SPRING1: variants seen among roughly 807,000 people sequenced by gnomAD.
SPRING1 encodes SREBF pathway regulator in golgi 1.
Under a neutral mutation model 24.7 loss-of-function variants are expected in SPRING1, and 14 were observed. The observed-to-expected ratio is 0.57, with a 90% CI of 0.37 to 0.88. The LOEUF is 0.88. Ranked by LOEUF, SPRING1 falls within the 40% of genes least tolerant of loss-of-function variation. SPRING1 has a pLI of 0.00. For missense variants in SPRING1, 255 were observed against 268.4 expected (o/e 0.95, Z 0.35); for synonymous variants, 93 against 106.1 (o/e 0.88, Z 0.76).
In SPRING1 at chr12:116,712,980, A is replaced by C. The variant is rs879921343; in HGVS notation, c.*4830T>G. ...GGCGGGGAAAAATAATGAAGTCAGC[A>C]CTCAGCTACCAGGAGCTCCTCTGTT... On this transcript the variant is annotated 3_prime_UTR_variant, in exon 5 of 5. Coordinates refer to ENST00000261318, the MANE Select transcript of SPRING1 (RefSeq NM_024738.4). The C allele has an allele frequency of 1.3e-5, 2 of 152,458 alleles. No homozygotes were observed. Among genetic ancestry groups the C allele is most frequent in the Non-Finnish European group, 2.9e-5 (2 of 68,266 alleles). The allele number at this position is 152,458 out of a possible 1,614,324, so 9.4% of individuals were successfully genotyped here. A position where few individuals can be genotyped will look rare whatever the true frequency, so the allele number is the denominator to read the frequency against.
intron 1 of SPRING1, 77 bp from the exon 2 acceptor site, chr12:116,723,300 T>C: frequency 6.5e-7 from 1 of 1,535,886 alleles, no homozygotes; most frequent in Non-Finnish European, 8.9e-7. Flanking sequence ...TCACAGAAAC[T>C]ACAGTAAGAG....
At chr12:116,737,768 G>T in intron 1 of SPRING1, 22 bp downstream of exon 1, 5 of 1,518,548 alleles carry the variant, frequency 3.3e-6, no homozygotes, top group Non-Finnish European at 4.5e-6. Flanking sequence ...GGAAGGGGAG[G>T]AGGGGAAGGG....
Position 116,711,904 on chromosome 12 carries a change from C to CA in SPRING1, c.*5905dup. On this transcript the variant is annotated 3_prime_UTR_variant, in exon 5 of 5. Transcript: ENST00000261318. ...TGCTGGGATTACAGGTGTGAGCCAC[C>CA]ACACCCGGCTGCCAACACCACTTTC... 6.6e-6 allele frequency: 1 copy of CA among 152,170 alleles called. No individual in the cohort carries two copies. Among genetic ancestry groups the CA allele is most frequent in the East Asian group, 1.9e-4 (1 of 5,196 alleles). The allele number at this position is 152,170 out of a possible 1,614,324, so 9.4% of individuals were successfully genotyped here.
At chr12:116,726,281 T>C (rs1441865110) in intron 1 of SPRING1, among the ~76,000 whole-genome samples, 2 of 152,222 alleles carry the variant, frequency 1.3e-5, no homozygotes, top group Non-Finnish European at 1.5e-5. Flanking sequence ...ACAATTCTCT[T>C]GAATAACTTG....
rs1344281105 is a variant in SPRING1, at chr12:116,715,145, G to A, written c.*2665C>T. On this transcript the variant is annotated 3_prime_UTR_variant, in exon 5 of 5. Coordinates refer to ENST00000261318, the MANE Select transcript of SPRING1 (RefSeq NM_024738.4). ...AGATGGGGTTTCACCATATTGGTCA[G>A]GCTGGTCTGAACTCCTGCCTTCAGG... 6.6e-6 allele frequency: 1 copy of A among 152,052 alleles called. No homozygotes were observed. Among genetic ancestry groups the A allele is most frequent in the Non-Finnish European group, 1.5e-5 (1 of 68,042 alleles). The allele number at this position is 152,052 out of a possible 1,614,324, so 9.4% of individuals were successfully genotyped here.
chr12:116,713,530 T>C lies in SPRING1; in HGVS notation c.*4280A>G, dbSNP rs1869962725. 6.6e-6 allele frequency: 1 copy of C among 152,102 alleles called. No individual in the cohort carries two copies. The highest frequency in any genetic ancestry group is 1.9e-4 in the East Asian group (1 of 5,196). The allele number at this position is 152,102 out of a possible 1,614,324, so 9.4% of individuals were successfully genotyped here. On this transcript the variant is annotated 3_prime_UTR_variant, in exon 5 of 5. Transcript: ENST00000261318. Reference sequence around the variant, plus strand: ...AATAATATCACAGGGTTACCAGGGGTATGACAAAAATGGACACTTCCATAC... The same window carrying C: ...AATAATATCACAGGGTTACCAGGGGCATGACAAAAATGGACACTTCCATAC...
At chr12:116,731,970 A>T (rs1356254328) in intron 1 of SPRING1, among the ~76,000 whole-genome samples, 1 of 152,148 alleles carries the variant, frequency 6.6e-6, no homozygotes, top group East Asian at 1.9e-4. Flanking sequence ...GTATAAGCCA[A>T]TGCAGGCCAC....
intron 1 of SPRING1, among the ~76,000 whole-genome samples, chr12:116,725,211 T>G (rs1246382333): frequency 6.6e-6 from 1 of 152,176 alleles, no homozygotes; most frequent in Non-Finnish European, 1.5e-5. Flanking sequence ...GTTCCTAAGT[T>G]TTAAATTGAG....
rs912617094 is a variant in SPRING1, at chr12:116,731,778, T to TA, written c.111+6011dup. Among the ~76,000 whole-genome samples the TA allele has an allele frequency of 1.1e-4, 17 of 150,970 alleles. No homozygotes were observed. In the South Asian group the frequency reaches 1.5e-3, roughly 13 times the overall value. On this transcript the variant is annotated intron_variant, in intron 1 of 4. Coordinates refer to ENST00000261318, the MANE Select transcript of SPRING1 (RefSeq NM_024738.4). ...AACAAACAAATAAACAAAACCAAGT[T>TA]AAAAAAAAACCCTAAGCCTCAGTGG... is the stretch of plus-strand genomic sequence containing the variant.
rs370677607 is a variant in SPRING1, at chr12:116,714,057, T to C, written c.*3753A>G. ...GCCCCTGCCATTGCTCCCTGCTGAG[T>C]TGCAGACATTGACTTCTTGCCAAGC... On this transcript the variant is annotated 3_prime_UTR_variant, in exon 5 of 5. Transcript: ENST00000261318. The C allele has an allele frequency of 2.6e-4, 39 of 151,716 alleles. No homozygotes were observed. The highest frequency in any genetic ancestry group is 8.5e-4 in the African/African-American group (35 of 41,340). The allele number at this position is 151,716 out of a possible 1,614,324, so 9.4% of individuals were successfully genotyped here.
rs574771241 is a variant in SPRING1 at position 116,717,451 on chromosome 12, GA to G, written c.*358del. 4 of 187,292 alleles carry G rather than the reference GA, an allele frequency of 2.1e-5. No individual in the cohort carries two copies. In the South Asian group the frequency reaches 7.3e-4, roughly 34 times the overall value. 11.6% of individuals were successfully genotyped at this position (187,292 alleles called of 1,614,324 possible). On this transcript the variant is annotated 3_prime_UTR_variant, in exon 5 of 5. Coordinates refer to ENST00000261318, the MANE Select transcript of SPRING1 (RefSeq NM_024738.4). This position sits in a 1 kb window ranked among gnomAD's most constrained non-coding sequence, Gnocchi z 4.2. ...AATAATTTTACAGTGAAAGAGCCTG[GA>G]TCAAAACTGGAAGTGACACCGGCCC...
Position 116,710,332 on chromosome 12 carries a change from G to A in SPRING1, c.*7478C>T, listed in dbSNP as rs909898084. ...TAATTTGGCACAATTTAATTTCTTT[G>A]TAAGTTCATACATTTTAAGGTTTCT... On this transcript the variant is annotated 3_prime_UTR_variant, in exon 5 of 5. Coordinates refer to ENST00000261318, the MANE Select transcript of SPRING1 (RefSeq NM_024738.4). 6.6e-6 allele frequency: 1 copy of A among 152,182 alleles called. No homozygotes were observed. Among genetic ancestry groups the A allele is most frequent in the African/African-American group, 2.4e-5 (1 of 41,442 alleles). 9.4% of individuals were successfully genotyped at this position (152,182 alleles called of 1,614,324 possible). A position where few individuals can be genotyped will look rare whatever the true frequency, so the allele number is the denominator to read the frequency against.
In SPRING1 at chr12:116,715,968, T is replaced by C. The variant is rs1386578166; in HGVS notation, c.*1842A>G. On this transcript the variant is annotated 3_prime_UTR_variant, in exon 5 of 5. Transcript: ENST00000261318. ...CTGTTCACATTAAATCTATGTTATG[T>C]TGCTCAAGAGTTAAAATAAGCTCAA... The C allele has an allele frequency of 1.3e-5, 2 of 152,222 alleles. No homozygotes were observed. The highest frequency in any genetic ancestry group is 2.9e-5 in the Non-Finnish European group (2 of 68,050). 9.4% of individuals were successfully genotyped at this position (152,222 alleles called of 1,614,324 possible).
At chr12:116,730,192 G>A (rs765750022) in intron 1 of SPRING1, among the ~76,000 whole-genome samples, 32 of 150,616 alleles carry the variant, frequency 2.1e-4, no homozygotes, top group Non-Finnish European at 4.3e-4. Flanking sequence ...GAGCCACCAC[G>A]CCCAGCCTTA....
chr12:116,737,643 A>G, intron 1 of SPRING1, 147 bp downstream of exon 1: 1 of 843,816 alleles, frequency 1.2e-6, no homozygotes, highest in Non-Finnish European at 1.6e-6. Context: ...AAGGAAGGGA[A>G]GGGGAGAAAG....
Position 116,720,536 on chromosome 12 carries a change from CAG to C in SPRING1, c.269-91_269-90del. On this transcript the variant is annotated intron_variant, in intron 2 of 4. Coordinates refer to ENST00000261318, the MANE Select transcript of SPRING1 (RefSeq NM_024738.4). The surrounding 1 kb of genome is among the most constrained non-coding windows in gnomAD (Gnocchi z 4.0). ...ACCATGAAGCAGCAGTGAAAGTACA[CAG>C]ACAGAAGCTGGAGTCTGGGGCATCA... The C allele has an allele frequency of 6.6e-7, 1 of 1,515,182 alleles. No homozygotes were observed. Among genetic ancestry groups the C allele is most frequent in the Non-Finnish European group, 9.0e-7 (1 of 1,114,150 alleles). The allele number at this position is 1,515,182 out of a possible 1,614,324, so 93.9% of individuals were successfully genotyped here.
At chr12:116,723,646 C>A (rs759411496) in intron 1 of SPRING1, among the ~76,000 whole-genome samples, 3 of 152,180 alleles carry the variant, frequency 2.0e-5, no homozygotes, top group Non-Finnish European at 4.4e-5. Context: ...AAGAAACTTT[C>A]GTGACTCTCA....
At chr12:116,729,996 G>A (rs1234679331) in intron 1 of SPRING1, among the ~76,000 whole-genome samples, 1 of 152,120 alleles carries the variant, frequency 6.6e-6, no homozygotes, top group African/African-American at 2.4e-5. Flanking sequence ...CGCCTCCAAG[G>A]TTCATGCCAT....
At position 116,716,757 on chromosome 12, in the gene SPRING1, T is replaced by A. The variant is rs1405484042; in HGVS notation, c.*1053A>T. 1 of 152,202 alleles carries A rather than the reference T, an allele frequency of 6.6e-6. No individual in the cohort carries two copies. Among genetic ancestry groups the A allele is most frequent in the Non-Finnish European group, 1.5e-5 (1 of 68,034 alleles). 9.4% of individuals were successfully genotyped at this position (152,202 alleles called of 1,614,324 possible). A position where few individuals can be genotyped will look rare whatever the true frequency, so the allele number is the denominator to read the frequency against. On this transcript the variant is annotated 3_prime_UTR_variant, in exon 5 of 5. Coordinates refer to ENST00000261318, the MANE Select transcript of SPRING1 (RefSeq NM_024738.4). ...AAGCTGGGTTTCTTCTTCTTCTCTA[T>A]AAATCATAGGGAAACCAAATATTTG... is the stretch of plus-strand genomic sequence containing the variant.
Sources: allele counts gnomAD v4.1 joint callset (sites outside exome capture counted in the v4.1 genomes callset), GRCh38; gene constraint gnomAD v4.1.1; non-coding constraint Gnocchi (gnomAD v3.1); transcripts MANE v1.5; gene names NCBI Gene and HGNC (gene_info 2026-07-23, HGNC 2026-07-21).